The following TMCC3 variants were observed in gnomAD, a reference collection of about 807,000 sequenced individuals.
The protein encoded by TMCC3 is transmembrane and coiled-coil domain family 3, also known as transmembrane and coiled-coil domain protein 3.
In TMCC3, 28 loss-of-function variants were observed where a neutral mutation model predicts 40.2. That is an observed-to-expected ratio of 0.70 (90% CI 0.52 to 0.95). The LOEUF is 0.95. Among genes scored for constraint, TMCC3 ranks in the 40% least tolerant of loss-of-function variants. The pLI is 0.00. For missense variants in TMCC3, 554 were observed against 615.2 expected (o/e 0.90, Z 1.05); for synonymous variants, 255 against 248.5 (o/e 1.03, Z -0.25).
At chr12:94,581,562 AAAATAAAAAAATAAAT>A in intron 2 of TMCC3, 44 bp downstream of exon 2, 1 of 1,136,228 alleles carries the variant, frequency 8.8e-7, no homozygotes, top group Non-Finnish European at 1.1e-6. Context: ...AAAATAACAT[AAAATAAAAAAATAAAT>A]AAATAAAAAA....
chr12:94,578,333 T>C, intron 3 of TMCC3, 61 bp downstream of exon 3: 1 of 1,564,848 alleles, frequency 6.4e-7, no homozygotes, highest in Non-Finnish European at 8.7e-7. Context: ...ATTTAGACTG[T>C]TAAATGAATT....
intron 1 of TMCC3, among the ~76,000 whole-genome samples, chr12:94,639,371 C>G (rs1449323941): frequency 6.6e-6 from 1 of 152,136 alleles, no homozygotes; most frequent in Admixed American, 6.5e-5. Context: ...CACTTGAGGC[C>G]AGGAGTTTGA....
chr12:94,636,058 C>A (rs1158603195), intron 1 of TMCC3, among the ~76,000 whole-genome samples: 1 of 152,146 alleles, frequency 6.6e-6, no homozygotes, highest in African/African-American at 2.4e-5. Context: ...GGCAGAATTA[C>A]AACCTTCTGT....
At chr12:94,648,570 G>C (rs2069033994) in intron 1 of TMCC3, among the ~76,000 whole-genome samples, 1 of 152,174 alleles carries the variant, frequency 6.6e-6, no homozygotes, top group Non-Finnish European at 1.5e-5. Flanking sequence ...ATAAGGTTTT[G>C]ACCTTTTAAT....
intron 1 of TMCC3, among the ~76,000 whole-genome samples, chr12:94,595,192 T>C (rs1294492701): frequency 6.6e-6 from 1 of 152,234 alleles, no homozygotes; most frequent in Non-Finnish European, 1.5e-5. Context: ...TCTAACTATA[T>C]TTTCCATGTG....
intron 1 of TMCC3, chr12:94,644,337 G>A: frequency 4.1e-6 from 4 of 974,828 alleles, no homozygotes; most frequent in Non-Finnish European, 4.9e-6. Context: ...GAAAGCTGCA[G>A]ACTCTTCTAA....
At chr12:94,627,569 G>A (rs1246511672) in intron 1 of TMCC3, among the ~76,000 whole-genome samples, 1 of 152,128 alleles carries the variant, frequency 6.6e-6, no homozygotes, top group Non-Finnish European at 1.5e-5. Context: ...CACTGCCCCA[G>A]CCACACAGCC....
intron 1 of TMCC3, among the ~76,000 whole-genome samples, chr12:94,614,114 A>AC (rs2068833453): frequency 1.3e-5 from 2 of 151,698 alleles, no homozygotes; most frequent in African/African-American, 4.8e-5. Context: ...AAAAAAAAAA[A>AC]AACTATGGAG....
At chr12:94,650,153 C>G (rs1041223934) in intron 1 of TMCC3, among the ~76,000 whole-genome samples, 200 bp downstream of exon 1, 1 of 152,106 alleles carries the variant, frequency 6.6e-6, no homozygotes, top group Admixed American at 6.5e-5. Flanking sequence ...GACCTGGGAT[C>G]CCAGAACCGC....
At chr12:94,610,274 A>G (rs1414734351) in intron 1 of TMCC3, among the ~76,000 whole-genome samples, 1 of 152,194 alleles carries the variant, frequency 6.6e-6, no homozygotes, top group Non-Finnish European at 1.5e-5. Context: ...TTCTTTAGCC[A>G]CCAAGTGTAA....
At chr12:94,581,070 C>T (rs2068597816) in intron 2 of TMCC3, among the ~76,000 whole-genome samples, 1 of 152,050 alleles carries the variant, frequency 6.6e-6, no homozygotes, top group South Asian at 2.1e-4. Context: ...ATGCTTGGGA[C>T]CAGAAGTGTT....
chr12:94,592,661 C>CAAAAAAAAAAAAAAAAA lies in TMCC3; in HGVS notation c.79-10140_79-10124dup, dbSNP rs869058316. ...TGAGCCTGGACAACAGGCTCCATCT[C>CAAAAAAAAAAAAAAAAA]AAAAAAAAAAAAAAAAAAAAAATTC... On this transcript the variant is annotated intron_variant, in intron 1 of 3. Coordinates refer to ENST00000261226, the MANE Select transcript of TMCC3 (RefSeq NM_020698.4). Among the ~76,000 whole-genome samples the CAAAAAAAAAAAAAAAAA allele has an allele frequency of 1.9e-3, 51 of 27,498 alleles. 9 individuals are homozygous for CAAAAAAAAAAAAAAAAA. The highest frequency in any genetic ancestry group is 0.011 in the Admixed American group (20 of 1,898). 18.0% of individuals were successfully genotyped at this position (27,498 alleles called of 152,430 possible). A position where few individuals can be genotyped will look rare whatever the true frequency, so the allele number is the denominator to read the frequency against.
At chr12:94,577,943 T>A (rs2068575395) in intron 3 of TMCC3, among the ~76,000 whole-genome samples, 1 of 151,712 alleles carries the variant, frequency 6.6e-6, no homozygotes, top group African/African-American at 2.4e-5. Context: ...GGTCAGGAGT[T>A]TGAGACCAGC....
intron 1 of TMCC3, among the ~76,000 whole-genome samples, chr12:94,599,560 C>T (rs887433387): frequency 4.9e-5 from 5 of 102,246 alleles, no homozygotes; most frequent in Non-Finnish European, 8.1e-5. Context: ...AAAGATACCC[C>T]CCCCCCCGCC....
rs550976807 is a variant in TMCC3 at position 94,641,602 on chromosome 12, G to A, written c.78+8751C>T. ...GCAGATAATTGTTTCTTTGGTCAAG[G>A]ACTAGGTGAAGTTTTAGGCTTGGGT... On this transcript the variant is annotated intron_variant, in intron 1 of 3. Coordinates refer to ENST00000261226, the MANE Select transcript of TMCC3 (RefSeq NM_020698.4). 5.3e-5 allele frequency among the ~76,000 whole-genome samples: 8 copies of A among 152,256 alleles called. No homozygotes were observed. The South Asian group carries it at 1.7e-3, about 32-fold the overall frequency.
rs544353086 is a variant in TMCC3 at position 94,570,930 on chromosome 12, G to C, written c.*505C>G. On this transcript the variant is annotated 3_prime_UTR_variant, in exon 4 of 4. Transcript: ENST00000261226. ...ACACTGAGTACATGACGGGACCTAT[G>C]GTCCCCTGGAGAGAAGCAGGGTGGA... The C allele has an allele frequency of 4.0e-4, 65 of 162,074 alleles. No homozygotes were observed. Among genetic ancestry groups the C allele is most frequent in the African/African-American group, 1.5e-3 (61 of 41,614 alleles). The allele number at this position is 162,074 out of a possible 1,614,324, so 10.0% of individuals were successfully genotyped here.
At chr12:94,578,597 A>G in intron 2 of TMCC3, 68 bp from the exon 3 acceptor site, 1 of 1,528,266 alleles carries the variant, frequency 6.5e-7, no homozygotes, top group Non-Finnish European at 8.9e-7. Context: ...TGTCCTTTTT[A>G]TCTTCCTGCG....
intron 1 of TMCC3, among the ~76,000 whole-genome samples, chr12:94,643,262 C>T (rs941411293): frequency 6.6e-6 from 1 of 152,130 alleles, no homozygotes; most frequent in African/African-American, 2.4e-5. Context: ...TGCACTCCCC[C>T]AAAGTGTGAT....
rs2068508759 is a variant in TMCC3, at chr12:94,568,605, A to G, written c.*2830T>C. ...ACTATTTTTAATTGTAATATTTCTA[A>G]AATGTCATTTAATCTCCTTACACAT... On this transcript the variant is annotated 3_prime_UTR_variant, in exon 4 of 4. Transcript: ENST00000261226. The G allele has an allele frequency of 6.6e-6, 1 of 152,216 alleles. No individual in the cohort carries two copies. Among genetic ancestry groups the G allele is most frequent in the South Asian group, 2.1e-4 (1 of 4,834 alleles). 9.4% of individuals were successfully genotyped at this position (152,216 alleles called of 1,614,324 possible).
Sources: gnomAD v4.1 joint callset for allele counts (sites outside exome capture counted in the v4.1 genomes callset) on GRCh38, gnomAD v4.1.1 for gene constraint, MANE v1.5 for transcripts, NCBI Gene and HGNC (gene_info 2026-07-23, HGNC 2026-07-21) for gene names.